GARIN2: variants seen among roughly 807,000 people sequenced by gnomAD.
The protein encoded by GARIN2 is Golgi-associated RAB2 interactor protein 2.
At chr14:67,214,288 T>A in the GARIN2 span, among the ~76,000 whole-genome samples, 2 of 152,238 alleles carry the variant, frequency 1.3e-5, no homozygotes, top group East Asian at 3.8e-4. Flanking sequence ...TTAGGGTTTT[T>A]ATGGTTCTAG....
chr14:67,200,046 TG>T, the GARIN2 span: 2 of 932,480 alleles, frequency 2.1e-6, no homozygotes, highest in Admixed American at 2.7e-5. Context: ...ACCCAGGCTC[TG>T]GGGGACAGCC....
the GARIN2 span, chr14:67,198,068 A>G: frequency 6.8e-7 from 1 of 1,476,852 alleles, no homozygotes; most frequent in East Asian, 2.3e-5. Flanking sequence ...ATTAATAAAT[A>G]AATGAAGCAA....
chr14:67,219,611 G>T, the GARIN2 span, among the ~76,000 whole-genome samples: 2 of 152,056 alleles, frequency 1.3e-5, no homozygotes, highest in Admixed American at 1.3e-4. Context: ...GATGAAAAAG[G>T]CTCAGCAGGT....
At chr14:67,205,010 G>C in the GARIN2 span, 1 of 1,557,464 alleles carries the variant, frequency 6.4e-7, no homozygotes, top group Non-Finnish European at 8.7e-7. Context: ...GTCACAGACA[G>C]CTCTGATATT....
the GARIN2 span, chr14:67,200,375 T>A: frequency 1.6e-6 from 1 of 608,534 alleles, no homozygotes; most frequent in South Asian, 2.0e-5. Context: ...ATCTTTTCGA[T>A]ACCTTGGACC....
chr14:67,213,985 G>A, the GARIN2 span, among the ~76,000 whole-genome samples: 12 of 152,138 alleles, frequency 7.9e-5, no homozygotes, highest in East Asian at 3.8e-4. Context: ...ATCTGTTCAT[G>A]TCCTTCGCCC....
At chr14:67,190,823 T>A in the GARIN2 span, among the ~76,000 whole-genome samples, 1 of 152,320 alleles carries the variant, frequency 6.6e-6, no homozygotes, top group East Asian at 1.9e-4. Flanking sequence ...GTAAGAATCT[T>A]GGGAAAAATC....
chr14:67,209,711 G>A, the GARIN2 span, among the ~76,000 whole-genome samples: 40 of 151,436 alleles, frequency 2.6e-4, no homozygotes, highest in Non-Finnish European at 5.5e-4. Flanking sequence ...CCAGCTACTC[G>A]GGAGGCTGAG....
the GARIN2 span, chr14:67,223,840 A>G: frequency 2.0e-6 from 2 of 985,454 alleles, no homozygotes; most frequent in East Asian, 1.1e-4. Context: ...CCTTCCATAC[A>G]CTTTTACTCT....
chr14:67,222,525 C>T, the GARIN2 span, among the ~76,000 whole-genome samples: 1 of 152,196 alleles, frequency 6.6e-6, no homozygotes, highest in Non-Finnish European at 1.5e-5. Flanking sequence ...ATCTGCCCAC[C>T]TGGGCCTCCC....
the GARIN2 span, among the ~76,000 whole-genome samples, chr14:67,205,759 G>A: frequency 1.3e-5 from 2 of 152,184 alleles, no homozygotes; most frequent in Non-Finnish European, 1.5e-5. Context: ...TTGGGCAAAC[G>A]TTAGTGACCG....
chr14:67,227,716 G>A, the GARIN2 span: 3 of 152,030 alleles, frequency 2.0e-5, no homozygotes, highest in Admixed American at 2.0e-4. Flanking sequence ...TTAAGAACTT[G>A]CAAATAATTC....
chr14:67,223,432 G>C, the GARIN2 span, among the ~76,000 whole-genome samples: 1 of 152,212 alleles, frequency 6.6e-6, no homozygotes, highest in African/African-American at 2.4e-5. Context: ...GAAAAGAGGA[G>C]GGCATGATTC....
chr14:67,210,530 T>G, the GARIN2 span, among the ~76,000 whole-genome samples: 2 of 152,364 alleles, frequency 1.3e-5, no homozygotes, highest in Non-Finnish European at 2.9e-5. Flanking sequence ...AATGGTATTT[T>G]ATTTCTATAG....
At chr14:67,218,496 G>T in the GARIN2 span, among the ~76,000 whole-genome samples, 1 of 152,210 alleles carries the variant, frequency 6.6e-6, no homozygotes, top group Non-Finnish European at 1.5e-5. Context: ...ATACAGGGCT[G>T]CTTGGCAGCC....
chr14:67,224,622 T>A, the GARIN2 span: 153 of 303,660 alleles, frequency 5.0e-4, no homozygotes, highest in African/African-American at 2.9e-3. Flanking sequence ...CCTTAACTTT[T>A]AAATTTTTTT....
the GARIN2 span, among the ~76,000 whole-genome samples, chr14:67,218,132 C>T: frequency 6.6e-6 from 1 of 152,166 alleles, no homozygotes; most frequent in Non-Finnish European, 1.5e-5. Flanking sequence ...GGCTGTTTCT[C>T]AGGTCAAGGA....
chr14:67,204,996 G>A, the GARIN2 span: 21 of 1,563,978 alleles, frequency 1.3e-5, no homozygotes, highest in East Asian at 2.4e-5. Flanking sequence ...GAGAAGCCAC[G>A]GAAGTCACAG....
chr14:67,205,264 T>A, the GARIN2 span, among the ~76,000 whole-genome samples: 1 of 152,140 alleles, frequency 6.6e-6, no homozygotes, highest in African/African-American at 2.4e-5. Flanking sequence ...AAAGGAGTTG[T>A]AAGATGTCTC....
Sources: allele counts gnomAD v4.1 joint callset (sites outside exome capture counted in the v4.1 genomes callset), GRCh38; gene constraint gnomAD v4.1.1; transcripts MANE v1.5; gene names NCBI Gene and HGNC (gene_info 2026-07-23, HGNC 2026-07-21).